ZNF146: variants seen among roughly 807,000 people sequenced by gnomAD.
ZNF146 encodes the protein zinc finger protein OZF.
A neutral mutation model predicts 22.2 loss-of-function variants in ZNF146; 9 were observed. The observed-to-expected ratio is 0.41, with a 90% CI of 0.24 to 0.71. The LOEUF is 0.71. ZNF146 is among the 30% of genes least tolerant of loss of function. The pLI is 0.34. For synonymous variants in ZNF146, 108 were observed against 119.2 expected (o/e 0.91, Z 0.61); for missense variants, 194 against 344.8 (o/e 0.56, Z 3.46).
intron 2 of ZNF146, among the ~76,000 whole-genome samples, chr19:36,218,641 T>C (rs1976712493): frequency 6.6e-6 from 1 of 151,480 alleles, no homozygotes; most frequent in Non-Finnish European, 1.5e-5. Context: ...AATTTTGTTT[T>C]TGTATTTTTA....
At chr19:36,216,274 TAACAAATGTG>T (rs566912606) in intron 1 of ZNF146, among the ~76,000 whole-genome samples, 4 of 152,256 alleles carry the variant, frequency 2.6e-5, no homozygotes, top group South Asian at 4.1e-4. Context: ...CTAAGGGGCA[TAACAAATGTG>T]AACAAATAAA....
intron 1 of ZNF146, among the ~76,000 whole-genome samples, chr19:36,215,493 C>T (rs1976562616): frequency 1.3e-5 from 2 of 152,162 alleles, no homozygotes; most frequent in South Asian, 4.1e-4. Flanking sequence ...TTGAGCTGCA[C>T]TTCCCTTGTC....
rs547518468 is a variant in ZNF146 at position 36,218,239 on chromosome 19, T to C, written c.-855+44T>C. 1.3e-4 allele frequency: 20 copies of C among 152,172 alleles called. No homozygotes were observed. In the East Asian group the frequency reaches 3.7e-3, roughly 28 times the overall value. 9.4% of individuals were successfully genotyped at this position (152,172 alleles called of 1,614,324 possible). ...GGCCTCAGTTGCTCATTTCATAGTATAGAAATAATAGCAATATTTGATTCA... is the reference window on the plus strand; with the variant it reads ...GGCCTCAGTTGCTCATTTCATAGTACAGAAATAATAGCAATATTTGATTCA... On this transcript the variant is annotated intron_variant, in intron 2 of 3. Transcript: ENST00000443387.
chr19:36,227,669 C>T (rs910573930), intron 2 of ZNF146, among the ~76,000 whole-genome samples: 2 of 152,180 alleles, frequency 1.3e-5, no homozygotes, highest in African/African-American at 2.4e-5. Flanking sequence ...ATCCTCCCAC[C>T]TCAGCCTCTT....
chr19:36,236,446 A>G lies in ZNF146; in HGVS notation c.6A>G (p.Ser2=). 5 of 1,599,396 alleles carry G rather than the reference A, an allele frequency of 3.1e-6. No homozygotes were observed. Among genetic ancestry groups the G allele is most frequent in the Non-Finnish European group, 3.4e-6 (4 of 1,172,834 alleles). Residue 2 remains serine, a synonymous_variant, in exon 4 of 4, where the codon TCA becomes TCG. Coordinates refer to ENST00000443387, the MANE Select transcript of ZNF146 (RefSeq NM_007145.3). ...GTGGGAAAGCTTCCATTCAGATGTC[A>G]CACCTCAGCCAGCAGAGAATTTACA... M[S]HLSQQRIYSG...
chr19:36,220,540 A>AT (rs1358656611), intron 2 of ZNF146, among the ~76,000 whole-genome samples: 1 of 151,750 alleles, frequency 6.6e-6, no homozygotes, highest in Admixed American at 6.6e-5. Flanking sequence ...AAGTTTTTGT[A>AT]TTTTTAGTAG....
intron 3 of ZNF146, among the ~76,000 whole-genome samples, chr19:36,233,620 G>C (rs1312553735): frequency 6.6e-6 from 1 of 152,098 alleles, no homozygotes. Context: ...AGGTCAGCAG[G>C]AAAACGTGAA....
Position 36,236,950 on chromosome 19 carries a change from C to T in ZNF146, c.510C>T (p.Tyr170=). The change falls in exon 4 of 4, where the codon TAC becomes TAT. Residue 170 remains tyrosine (Y), a synonymous_variant. Coordinates refer to ENST00000443387, the MANE Select transcript of ZNF146 (RefSeq NM_007145.3). ...GAACAGCCTTTGGCCAGAAGAAGTACCTCATAAAACATCAGAACATTCACA... is the reference window on the plus strand; with the variant it reads ...GAACAGCCTTTGGCCAGAAGAAGTATCTCATAAAACATCAGAACATTCACA... ...ECGTAFGQKK[Y]LIKHQNIHTG... is the part of the protein sequence containing the mutation. 1 of 1,614,048 alleles carries T rather than the reference C, an allele frequency of 6.2e-7. No individual in the cohort carries two copies. The highest frequency in any genetic ancestry group is 8.5e-7 in the Non-Finnish European group (1 of 1,180,004).
At chr19:36,220,810 ATTCT>A (rs1315293984) in intron 2 of ZNF146, among the ~76,000 whole-genome samples, 1 of 151,958 alleles carries the variant, frequency 6.6e-6, no homozygotes, top group Non-Finnish European at 1.5e-5. Context: ...ATGTTAAAAA[ATTCT>A]TTCTTTAATA....
chr19:36,218,448 G>T (rs1976703209), intron 2 of ZNF146, among the ~76,000 whole-genome samples: 1 of 151,678 alleles, frequency 6.6e-6, no homozygotes, highest in Non-Finnish European at 1.5e-5. Flanking sequence ...AATAAGATAT[G>T]TAGATGCACT....
chr19:36,222,103 T>A (rs1976873027), intron 2 of ZNF146, among the ~76,000 whole-genome samples: 1 of 151,940 alleles, frequency 6.6e-6, no homozygotes, highest in Non-Finnish European at 1.5e-5. Context: ...CTTTTTTACT[T>A]TTTGTAGAGA....
In ZNF146 at chr19:36,236,159, T is replaced by C. The variant is rs1977637190; in HGVS notation, c.-282T>C. 1 of 346,350 alleles carries C rather than the reference T, an allele frequency of 2.9e-6. No homozygotes were observed. Among genetic ancestry groups the C allele is most frequent in the Non-Finnish European group, 5.2e-6 (1 of 191,834 alleles). The allele number at this position is 346,350 out of a possible 1,614,324, so 21.5% of individuals were successfully genotyped here. On this transcript the variant is annotated 5_prime_UTR_variant, in exon 4 of 4. Coordinates refer to ENST00000443387, the MANE Select transcript of ZNF146 (RefSeq NM_007145.3). Reference sequence around the variant, plus strand: ...ACAAGCCCTTAGCTAGATGACAATCTCATTGAGAAGCAGAAAATTCATGCT... The same window carrying C: ...ACAAGCCCTTAGCTAGATGACAATCCCATTGAGAAGCAGAAAATTCATGCT...
chr19:36,226,271 C>G (rs529748900), intron 2 of ZNF146, among the ~76,000 whole-genome samples: 4 of 152,342 alleles, frequency 2.6e-5, no homozygotes, highest in African/African-American at 9.6e-5. Flanking sequence ...AAGTTGCTTC[C>G]AGCCAACTCA....
chr19:36,224,554 G>A (rs1023933778), intron 2 of ZNF146, among the ~76,000 whole-genome samples: 1 of 152,116 alleles, frequency 6.6e-6, no homozygotes, highest in African/African-American at 2.4e-5. Context: ...TACTATTGAG[G>A]CTTTATCATT....
chr19:36,217,399 GAAGA>G (rs967305175), intron 1 of ZNF146, among the ~76,000 whole-genome samples: 47 of 151,988 alleles, frequency 3.1e-4, no homozygotes, highest in African/African-American at 1.1e-3. Flanking sequence ...GAGAGAGAGA[GAAGA>G]AAGAAAAGAA....
In ZNF146 at chr19:36,238,705, TG is replaced by T. The variant is rs1977736649; in HGVS notation, c.*1388del. 6.0e-6 allele frequency: 1 copy of T among 167,092 alleles called. No homozygotes were observed. Among genetic ancestry groups the T allele is most frequent in the Non-Finnish European group, 1.5e-5 (1 of 68,120 alleles). 10.4% of individuals were successfully genotyped at this position (167,092 alleles called of 1,614,324 possible). ...TAAAATTTTATCACGGATGAATGGA[TG>T]GACTTGCTCTCTATGTAATATGAAA... On this transcript the variant is annotated 3_prime_UTR_variant, in exon 4 of 4. Transcript: ENST00000443387.
Position 36,237,478 on chromosome 19 carries a change from A to G in ZNF146, c.*159A>G. ...ACACCAGAAAATTTGTACTGAAGAGAAAGACATGCATATGATTAAAACCCT... is the reference window on the plus strand; with the variant it reads ...ACACCAGAAAATTTGTACTGAAGAGGAAGACATGCATATGATTAAAACCCT... On this transcript the variant is annotated 3_prime_UTR_variant, in exon 4 of 4. Coordinates refer to ENST00000443387, the MANE Select transcript of ZNF146 (RefSeq NM_007145.3). 1 of 805,084 alleles carries G rather than the reference A, an allele frequency of 1.2e-6. No homozygotes were observed. Among genetic ancestry groups the G allele is most frequent in the Non-Finnish European group, 1.9e-6 (1 of 528,550 alleles). The allele number at this position is 805,084 out of a possible 1,614,324, so 49.9% of individuals were successfully genotyped here. A position where few individuals can be genotyped will look rare whatever the true frequency, so the allele number is the denominator to read the frequency against.
At chr19:36,217,277 G>T (rs538771723) in intron 1 of ZNF146, among the ~76,000 whole-genome samples, 2 of 151,610 alleles carry the variant, frequency 1.3e-5, no homozygotes, top group East Asian at 3.9e-4. Context: ...TGGCCAGGCT[G>T]GTCTTGAACT....
intron 3 of ZNF146, among the ~76,000 whole-genome samples, chr19:36,229,075 C>T (rs1320859526): frequency 6.6e-6 from 1 of 152,250 alleles, no homozygotes; most frequent in African/African-American, 2.4e-5. Flanking sequence ...TGTGCCGCCA[C>T]TGTGGTGGCT....
Sources: gnomAD v4.1 joint callset for allele counts (sites outside exome capture counted in the v4.1 genomes callset) on GRCh38, gnomAD v4.1.1 for gene constraint, MANE v1.5 for transcripts, NCBI Gene and HGNC (gene_info 2026-07-23, HGNC 2026-07-21) for gene names.